CCDC88B: variants seen among roughly 807,000 people sequenced by gnomAD.
CCDC88B encodes coiled-coil domain-containing protein 88B.
A neutral mutation model predicts 183.7 loss-of-function variants in CCDC88B; 138 were observed. The observed-to-expected ratio is 0.75, with a 90% CI of 0.65 to 0.87. The LOEUF is 0.87. Ranked by LOEUF, CCDC88B falls within the 40% of genes least tolerant of loss-of-function variation. The probability of loss-of-function intolerance (pLI) is 0.00; values close to 1 mark genes in which losing one functional copy is unlikely to be tolerated. For missense variants in CCDC88B, 1,822 were observed against 1,965.6 expected (o/e 0.93, Z 1.38); for synonymous variants, 835 against 867.5 (o/e 0.96, Z 0.66).
rs573377859 is a variant in CCDC88B, at chr11:64,357,516, C to T, written c.*422C>T. The T allele has an allele frequency of 1.3e-5, 9 of 688,452 alleles. No individual in the cohort carries two copies. The East Asian group carries it at 2.2e-4, about 17-fold the overall frequency. 42.6% of individuals were successfully genotyped at this position (688,452 alleles called of 1,614,324 possible). On this transcript the variant is annotated 3_prime_UTR_variant, in exon 27 of 27. Coordinates refer to ENST00000356786, the MANE Select transcript of CCDC88B (RefSeq NM_032251.6). ...GGACATGAGGGGCATGAGAATAAAG[C>T]TGAACTGCAGCCTCCTGAGTCTTGC... is the stretch of plus-strand genomic sequence containing the variant.
Position 64,342,688 on chromosome 11 carries a change from G to T in CCDC88B, c.1062+8G>T, listed in dbSNP as rs1233850219. ...TACAAGAGTCAGCTGGAGGTGAGGC[G>T]GAGACGGAGCCGCGGGGCGGGGCGT... is the stretch of plus-strand genomic sequence containing the variant. On this transcript the variant is annotated splice_region_variant and intron_variant, in intron 10 of 26. Coordinates refer to ENST00000356786, the MANE Select transcript of CCDC88B (RefSeq NM_032251.6). The T allele has an allele frequency of 4.7e-6, 7 of 1,474,202 alleles. No homozygotes were observed. The highest frequency in any genetic ancestry group is 6.3e-6 in the Non-Finnish European group (7 of 1,119,450). The allele number at this position is 1,474,202 out of a possible 1,614,324, so 91.3% of individuals were successfully genotyped here. A position where few individuals can be genotyped will look rare whatever the true frequency, so the allele number is the denominator to read the frequency against.
At chr11:64,354,820 C>G in intron 24 of CCDC88B, among the ~76,000 whole-genome samples, 1 of 113,148 alleles carries the variant, frequency 8.8e-6, no homozygotes, top group Non-Finnish European at 1.9e-5. Flanking sequence ...TCCCCCCCTC[C>G]TCTGACCCTC....
In CCDC88B at chr11:64,352,258, G is replaced by A. The variant is rs1176043813; in HGVS notation, c.3228G>A (p.Arg1076=). ...ETRGQQQALL[R]DHKALAQLQR... ...GCGGGCAGCAGCAGGCCCTGCTTCGGGACCACAAGGCCCTGGCACAGCTGC... is the reference window on the plus strand; with the variant it reads ...GCGGGCAGCAGCAGGCCCTGCTTCGAGACCACAAGGCCCTGGCACAGCTGC... The change falls in exon 19 of 27, where the codon CGG becomes CGA. Residue 1076 remains arginine, a synonymous_variant. Transcript: ENST00000356786. The A allele has an allele frequency of 5.6e-6, 9 of 1,601,958 alleles. No homozygotes were observed. The highest frequency in any genetic ancestry group is 6.8e-6 in the Non-Finnish European group (8 of 1,174,750).
At chr11:64,348,014 C>T (rs1006081387) in intron 14 of CCDC88B, among the ~76,000 whole-genome samples, 1 of 134,354 alleles carries the variant, frequency 7.4e-6, no homozygotes, top group Non-Finnish European at 1.5e-5. Flanking sequence ...CGCGCCACTG[C>T]AGTCCAGTCT....
chr11:64,354,588 C>T (rs190067102), intron 24 of CCDC88B, among the ~76,000 whole-genome samples: 1 of 151,926 alleles, frequency 6.6e-6, no homozygotes, highest in Non-Finnish European at 1.5e-5. Context: ...GCTTCTCCCC[C>T]ACCTCTGCAC....
rs746865973 is a variant in CCDC88B, at chr11:64,355,520, G to C, written c.4307-40G>C. ...TCTCCTGCAAGCTCTGTCCACTTCC[G>C]CACTGGCCCTGGGCCCAGTGGTTGC... is the stretch of plus-strand genomic sequence containing the variant. On this transcript the variant is annotated intron_variant, in intron 25 of 26. Coordinates refer to ENST00000356786, the MANE Select transcript of CCDC88B (RefSeq NM_032251.6). 1.8e-5 allele frequency: 29 copies of C among 1,608,280 alleles called. No homozygotes were observed. The African/African-American group carries it at 3.3e-4, about 19-fold the overall frequency.
chr11:64,344,693 G>A lies in CCDC88B; in HGVS notation c.2152G>A (p.Glu718Lys). 6.2e-7 allele frequency: 1 copy of A among 1,614,156 alleles called. No individual in the cohort carries two copies. Among genetic ancestry groups the A allele is most frequent in the Non-Finnish European group, 8.5e-7 (1 of 1,180,022 alleles). ...GGTCTGGGAAGGCCCAATCCCAGGG[G>A]AGAGCCTGGCCAGTGGTGTCGCAGA... ...VQVWEGPIPG[E>K]SLASGVAEQE... The change falls in exon 14 of 27, where the codon GAG (glutamate) becomes AAG (lysine). Residue 718 changes from glutamate to lysine, a missense_variant. Coordinates refer to ENST00000356786, the MANE Select transcript of CCDC88B (RefSeq NM_032251.6). The surrounding 1 kb of genome is among the most constrained non-coding windows in gnomAD (Gnocchi z 4.5).
chr11:64,357,395 G>A lies in CCDC88B; in HGVS notation c.*301G>A, dbSNP rs1281714051. The A allele has an allele frequency of 7.0e-6, 5 of 717,350 alleles. No homozygotes were observed. Among genetic ancestry groups the A allele is most frequent in the Non-Finnish European group, 1.3e-5 (5 of 385,122 alleles). The allele number at this position is 717,350 out of a possible 1,614,324, so 44.4% of individuals were successfully genotyped here. A position where few individuals can be genotyped will look rare whatever the true frequency, so the allele number is the denominator to read the frequency against. Reference sequence around the variant, plus strand: ...GGGATCCCCCAGCTGAAGGAGGCTGGCAGGAGTTGGCAAGAGAACCCCCTG... The same window carrying A: ...GGGATCCCCCAGCTGAAGGAGGCTGACAGGAGTTGGCAAGAGAACCCCCTG... On this transcript the variant is annotated 3_prime_UTR_variant, in exon 27 of 27. Coordinates refer to ENST00000356786, the MANE Select transcript of CCDC88B (RefSeq NM_032251.6).
rs1425759788 is a variant in CCDC88B at position 64,344,713 on chromosome 11, C to T, written c.2172C>T (p.Val724=). Residue 724 remains valine (V), a synonymous_variant, in exon 14 of 27, where the codon GTC becomes GTT. Coordinates refer to ENST00000356786, the MANE Select transcript of CCDC88B (RefSeq NM_032251.6). This position sits in a 1 kb window ranked among gnomAD's most constrained non-coding sequence, Gnocchi z 4.5. ...CAGGGGAGAGCCTGGCCAGTGGTGT[C>T]GCAGAGCAGGAGGCCCTCAGGGAGG... is the stretch of plus-strand genomic sequence containing the variant. ...PIPGESLASG[V]AEQEALREEV... 11 of 1,613,894 alleles carry T rather than the reference C, an allele frequency of 6.8e-6. No homozygotes were observed. Among genetic ancestry groups the T allele is most frequent in the African/African-American group, 2.7e-5 (2 of 74,896 alleles).
intron 9 of CCDC88B, 44 bp from the exon 10 acceptor site, chr11:64,342,478 T>C (rs1379339845): frequency 2.6e-6 from 4 of 1,532,294 alleles, no homozygotes; most frequent in Non-Finnish European, 3.5e-6. Context: ...CTAATCCCTC[T>C]GGCCCGCGGC....
chr11:64,357,445 C>A lies in CCDC88B; in HGVS notation c.*351C>A, dbSNP rs1222620794. The A allele has an allele frequency of 1.4e-6, 1 of 717,208 alleles. No homozygotes were observed. Among genetic ancestry groups the A allele is most frequent in the Admixed American group, 2.0e-5 (1 of 50,010 alleles). 44.4% of individuals were successfully genotyped at this position (717,208 alleles called of 1,614,324 possible). A position where few individuals can be genotyped will look rare whatever the true frequency, so the allele number is the denominator to read the frequency against. ...GCCCTGTCCAGGTGGGAAGCTGAGT[C>A]CCAGTGCTGGGGGACTGTGGCCTGG... On this transcript the variant is annotated 3_prime_UTR_variant, in exon 27 of 27. Coordinates refer to ENST00000356786, the MANE Select transcript of CCDC88B (RefSeq NM_032251.6).
Position 64,340,242 on chromosome 11 carries a change from G to A in CCDC88B, c.-25G>A. The A allele has an allele frequency of 7.9e-7, 1 of 1,263,600 alleles. No homozygotes were observed. The highest frequency in any genetic ancestry group is 1.0e-6 in the Non-Finnish European group (1 of 992,852). 78.3% of individuals were successfully genotyped at this position (1,263,600 alleles called of 1,614,324 possible). ...TCTCAGGGCAGGTGCAGCTGCCACA[G>A]TGAGACGGGCACCCCGACCCGGGCA... On this transcript the variant is annotated 5_prime_UTR_variant, in exon 1 of 27. In the 5' UTR this introduces an upstream ATG that the reference lacks. Transcript: ENST00000356786.
At position 64,340,330 on chromosome 11, in the gene CCDC88B, A is replaced by G; in HGVS notation, c.60+4A>G. On this transcript the variant is annotated splice_donor_region_variant and intron_variant, in intron 1 of 26. Transcript: ENST00000356786. ...GAGTGGGAGTCTGGCTACCTGGGTG[A>G]GGGGGCAGGTGGCAGCGGGTTGGGG... 1 of 1,283,340 alleles carries G rather than the reference A, an allele frequency of 7.8e-7. No individual in the cohort carries two copies. The highest frequency in any genetic ancestry group is 9.9e-7 in the Non-Finnish European group (1 of 1,006,582). The allele number at this position is 1,283,340 out of a possible 1,614,324, so 79.5% of individuals were successfully genotyped here. A position where few individuals can be genotyped will look rare whatever the true frequency, so the allele number is the denominator to read the frequency against.
Position 64,341,647 on chromosome 11 carries a change from C to T in CCDC88B, c.580C>T (p.Pro194Ser). 6.2e-7 allele frequency: 1 copy of T among 1,606,652 alleles called. No individual in the cohort carries two copies. Among genetic ancestry groups the T allele is most frequent in the East Asian group, 2.2e-5 (1 of 44,786 alleles). Reference protein sequence around the residue: ...GVVLALSGPDPGELAPAELEM... With the variant: ...GVVLALSGPDSGELAPAELEM... ...GGTGCTGGCACTGTCTGGGCCAGAT[C>T]CTGGGGAGCTGGCACCTGCCGAGCT... is the stretch of plus-strand genomic sequence containing the variant. The change falls in exon 7 of 27, where the codon CCT becomes TCT. Residue 194 changes from proline (P) to serine (S), a missense_variant. Coordinates refer to ENST00000356786, the MANE Select transcript of CCDC88B (RefSeq NM_032251.6).
intron 14 of CCDC88B, 101 bp downstream of exon 14, chr11:64,345,258 T>A (rs908403089): frequency 1.7e-5 from 22 of 1,319,784 alleles, no homozygotes; most frequent in African/African-American, 4.4e-5. Flanking sequence ...TGCCCAGCAC[T>A]GAGCTGGGGC....
chr11:64,354,816 C>T (rs117660951), intron 24 of CCDC88B, among the ~76,000 whole-genome samples: 1 of 80,972 alleles, frequency 1.2e-5, no homozygotes, highest in Non-Finnish European at 2.7e-5. Flanking sequence ...AGCCTCCCCC[C>T]CTCCTCTGAC....
chr11:64,348,704 C>T (rs1474825057), intron 14 of CCDC88B: 4 of 424,072 alleles, frequency 9.4e-6, no homozygotes, highest in Non-Finnish European at 1.3e-5. Flanking sequence ...GAAGCTTCAT[C>T]CTGCCAGGCC....
Position 64,344,773 on chromosome 11 carries a change from T to C in CCDC88B, c.2232T>C (p.Leu744=), listed in dbSNP as rs756716832. The C allele has an allele frequency of 1.2e-6, 2 of 1,613,578 alleles. No individual in the cohort carries two copies. Among genetic ancestry groups the C allele is most frequent in the East Asian group, 2.2e-5 (1 of 44,844 alleles). The change falls in exon 14 of 27, where the codon CTT becomes CTC. Residue 744 remains leucine, a synonymous_variant. Coordinates refer to ENST00000356786, the MANE Select transcript of CCDC88B (RefSeq NM_032251.6). The surrounding 1 kb of genome is among the most constrained non-coding windows in gnomAD (Gnocchi z 4.5). ...AGTTGAGGAGAAAGGCTGAGGCCCT[T>C]GGAGATGAGCTGGAAGCCCAGGCCC... ...VAQLRRKAEA[L]GDELEAQARK...
Position 64,353,382 on chromosome 11 carries a change from A to G in CCDC88B, c.3719A>G (p.Glu1240Gly), listed in dbSNP as rs761299478. 1 of 1,613,614 alleles carries G rather than the reference A, an allele frequency of 6.2e-7. No individual in the cohort carries two copies. The highest frequency in any genetic ancestry group is 2.2e-5 in the East Asian group (1 of 44,882). Residue 1240 changes from glutamate to glycine, a missense_variant, in exon 22 of 27, where the codon GAG becomes GGG. Coordinates refer to ENST00000356786, the MANE Select transcript of CCDC88B (RefSeq NM_032251.6). The stretch of plus-strand genomic sequence containing the variant: ...ACACAGCTGCGAAGTGCCCAGGAAG[A>G]GGAGAACCGGCAGCTGCTGGCTGAA... ...LLTQLRSAQE[E>G]ENRQLLAEVQ...
Sources: gnomAD v4.1 joint callset for allele counts (sites outside exome capture counted in the v4.1 genomes callset) on GRCh38, gnomAD v4.1.1 for gene constraint, Gnocchi (gnomAD v3.1) non-coding constraint, MANE v1.5 for transcripts, NCBI Gene and HGNC (gene_info 2026-07-23, HGNC 2026-07-21) for gene names.